The following KHDRBS3 variants were observed in gnomAD, a reference collection of about 807,000 sequenced individuals.
KHDRBS3 encodes KH RNA binding domain containing, signal transduction associated 3.
In KHDRBS3, 23 loss-of-function variants were observed where a neutral mutation model predicts 45.6. The observed-to-expected ratio is 0.50, with a 90% confidence interval of 0.36 to 0.72. The LOEUF (loss-of-function observed/expected upper bound fraction) is 0.72. Ranked by LOEUF, KHDRBS3 falls within the 30% of genes least tolerant of loss-of-function variation. KHDRBS3 has a pLI of 0.00. For missense variants in KHDRBS3, 352 were observed against 424.8 expected (o/e 0.83, Z 1.51); for synonymous variants, 162 against 156.5 (o/e 1.04, Z -0.26).
At chr8:135,566,331 G>C (rs1041081157) in intron 5 of KHDRBS3, among the ~76,000 whole-genome samples, 1 of 152,086 alleles carries the variant, frequency 6.6e-6, no homozygotes, top group African/African-American at 2.4e-5. Context: ...TAAATGTAAC[G>C]TTAAAGTCGA....
intron 1 of KHDRBS3, among the ~76,000 whole-genome samples, chr8:135,470,005 T>C (rs1323141441): frequency 6.6e-6 from 1 of 152,272 alleles, no homozygotes; most frequent in Non-Finnish European, 1.5e-5. Flanking sequence ...AATTACTGCT[T>C]AAATTTTTAT....
chr8:135,537,678 C>T (rs747171512), intron 2 of KHDRBS3, among the ~76,000 whole-genome samples: 2 of 152,010 alleles, frequency 1.3e-5, no homozygotes, highest in African/African-American at 4.8e-5. Flanking sequence ...AAAAATGTAA[C>T]ATTTGTGTGT....
chr8:135,527,781 T>C (rs1459130443), intron 2 of KHDRBS3, among the ~76,000 whole-genome samples: 1 of 152,180 alleles, frequency 6.6e-6, no homozygotes, highest in East Asian at 1.9e-4. Context: ...AAAGTCAAGA[T>C]ACAGAAAATC....
rs1828024207 is a variant in KHDRBS3, at chr8:135,577,957, T to C, written c.612-3921T>C. 5.3e-5 allele frequency among the ~76,000 whole-genome samples: 8 copies of C among 152,196 alleles called. No individual in the cohort carries two copies. In the South Asian group the frequency reaches 1.7e-3, roughly 32 times the overall value. On this transcript the variant is annotated intron_variant, in intron 5 of 8. Coordinates refer to ENST00000355849, the MANE Select transcript of KHDRBS3 (RefSeq NM_006558.3). ...ATACGTGAGAAGTGGTATCTCACTT[T>C]TGTTGTAGTTTGAATTCCCTAGTGA...
At chr8:135,534,491 A>G (rs1050009282) in intron 2 of KHDRBS3, among the ~76,000 whole-genome samples, 1 of 152,202 alleles carries the variant, frequency 6.6e-6, no homozygotes, top group Non-Finnish European at 1.5e-5. Context: ...AGGTACAAAG[A>G]TGAGTAAGAC....
At chr8:135,558,374 A>G (rs1008076885) in intron 5 of KHDRBS3, among the ~76,000 whole-genome samples, 1 of 152,232 alleles carries the variant, frequency 6.6e-6, no homozygotes, top group Non-Finnish European at 1.5e-5. Context: ...GGAAAGAATA[A>G]TGCAAATTTT....
chr8:135,498,907 A>G (rs537262398), intron 1 of KHDRBS3, among the ~76,000 whole-genome samples: 2 of 151,842 alleles, frequency 1.3e-5, no homozygotes, highest in African/African-American at 4.8e-5. Context: ...TGTACCTGTC[A>G]TGGACAGAAC....
intron 7 of KHDRBS3, among the ~76,000 whole-genome samples, chr8:135,643,941 T>TA (rs1442287418): frequency 1.3e-5 from 2 of 152,218 alleles, no homozygotes; most frequent in African/African-American, 4.8e-5. Context: ...CCTGAGGTGT[T>TA]AAACATCTGA....
intron 1 of KHDRBS3, among the ~76,000 whole-genome samples, chr8:135,487,767 G>T (rs1273251362): frequency 6.6e-6 from 1 of 152,194 alleles, no homozygotes; most frequent in Non-Finnish European, 1.5e-5. Context: ...GTGGATGGCT[G>T]CTGTAAGGAA....
intron 1 of KHDRBS3, among the ~76,000 whole-genome samples, chr8:135,501,436 T>C (rs1486875740): frequency 6.6e-6 from 1 of 152,212 alleles, no homozygotes; most frequent in Non-Finnish European, 1.5e-5. Flanking sequence ...GCAAAAATTA[T>C]TTCCTGAAGA....
chr8:135,466,066 A>G (rs1267324585), intron 1 of KHDRBS3, among the ~76,000 whole-genome samples: 1 of 152,178 alleles, frequency 6.6e-6, no homozygotes, highest in African/African-American at 2.4e-5. Context: ...CCACATAGCT[A>G]GGTTACCTTC....
Position 135,557,516 on chromosome 8 carries a change from T to C in KHDRBS3, c.540T>C (p.Asn180=), listed in dbSNP as rs1826946495. Residue 180 remains asparagine (N), a synonymous_variant, in exon 5 of 9, where the codon AAT becomes AAC. Transcript: ENST00000355849. ...CATATTTGAATGGTGGTTCAGAAAA[T>C]GCAGATGTTCCAGTGGTTCGAGGGA... ...ELTYLNGGSE[N]ADVPVVRGKP... is the part of the protein sequence containing the mutation. The C allele has an allele frequency of 6.2e-7, 1 of 1,609,908 alleles. No individual in the cohort carries two copies. The highest frequency in any genetic ancestry group is 8.5e-7 in the Non-Finnish European group (1 of 1,176,252).
At chr8:135,502,543 A>G (rs947076804) in intron 1 of KHDRBS3, among the ~76,000 whole-genome samples, 5 of 152,176 alleles carry the variant, frequency 3.3e-5, no homozygotes, top group African/African-American at 9.7e-5. Context: ...AGTGCTTACA[A>G]TTTAAATTTA....
chr8:135,530,067 A>AT (rs1825394537), intron 2 of KHDRBS3, among the ~76,000 whole-genome samples: 1 of 151,908 alleles, frequency 6.6e-6, no homozygotes, highest in Non-Finnish European at 1.5e-5. Context: ...CTCAAAAAAA[A>AT]AAAAAGAAAT....
intron 2 of KHDRBS3, chr8:135,542,279 G>A (rs1826081678): frequency 5.7e-6 from 1 of 176,600 alleles, no homozygotes; most frequent in Admixed American, 5.9e-5. Flanking sequence ...TCTAGTGCAT[G>A]TTAGAGACAC....
intron 5 of KHDRBS3, among the ~76,000 whole-genome samples, chr8:135,576,816 C>G (rs1272182307): frequency 1.3e-5 from 2 of 152,164 alleles, no homozygotes; most frequent in Non-Finnish European, 2.9e-5. Flanking sequence ...TGTGTATGTA[C>G]TAACCTATGT....
At chr8:135,650,602 C>T (rs1280839369), downstream of KHDRBS3, among the ~76,000 whole-genome samples, 2 of 152,260 alleles carry the variant, frequency 1.3e-5, no homozygotes, top group Non-Finnish European at 2.9e-5. Flanking sequence ...TGGTAGAGCC[C>T]GGATTTGAAC....
intron 6 of KHDRBS3, among the ~76,000 whole-genome samples, chr8:135,591,572 G>C (rs960719983): frequency 3.3e-5 from 5 of 152,116 alleles, no homozygotes; most frequent in Admixed American, 6.5e-5. Context: ...TACCATAAAT[G>C]GTGCCCTCAT....
intron 8 of KHDRBS3, among the ~76,000 whole-genome samples, chr8:135,645,321 A>G (rs1335265223): frequency 1.3e-5 from 2 of 152,254 alleles, no homozygotes; most frequent in Admixed American, 6.5e-5. Flanking sequence ...TGAAGATTGC[A>G]TGAATCCAGA....
Sources: gnomAD v4.1 joint callset for allele counts (sites outside exome capture counted in the v4.1 genomes callset) on GRCh38, gnomAD v4.1.1 for gene constraint, MANE v1.5 for transcripts, NCBI Gene and HGNC (gene_info 2026-07-23, HGNC 2026-07-21) for gene names.